The following KALRN variants were observed in gnomAD, a reference collection of about 807,000 sequenced individuals.
KALRN encodes kalirin.
In KALRN, 70 loss-of-function variants were observed where a neutral mutation model predicts 353.7. That is an observed-to-expected ratio of 0.20 (90% confidence interval 0.16 to 0.24). The LOEUF (loss-of-function observed/expected upper bound fraction) is 0.24, where lower values mean the gene tolerates loss of function less well. Among genes scored for constraint, KALRN ranks in the 10% least tolerant of loss-of-function variants. The probability of loss-of-function intolerance (pLI) is 1.00; values close to 1 mark genes in which losing one functional copy is unlikely to be tolerated. For synonymous variants in KALRN, 1,391 were observed against 1,434.8 expected (o/e 0.97, Z 0.69); for missense variants, 2,791 against 3,756.7 (o/e 0.74, Z 6.72).
intron 13 of KALRN, among the ~76,000 whole-genome samples, chr3:124,403,553 G>A (rs1191921658): frequency 1.3e-5 from 2 of 152,150 alleles, no homozygotes; most frequent in African/African-American, 4.8e-5. Flanking sequence ...CTAAATCTAT[G>A]GGGTTCATGT....
rs371632125 is a variant in KALRN, at chr3:124,286,140, C to T, written c.970-12651C>T. Among the ~76,000 whole-genome samples, 12 of 26,840 alleles carry T rather than the reference C, an allele frequency of 4.5e-4. No homozygotes were observed. The East Asian group carries it at 5.5e-3, about 12-fold the overall frequency. 17.6% of individuals were successfully genotyped at this position (26,840 alleles called of 152,430 possible). On this transcript the variant is annotated intron_variant, in intron 5 of 59. Coordinates refer to ENST00000682506, the MANE Select transcript of KALRN (RefSeq NM_001388419.1). ...CTTTCTTTCTTTCTTTCTTTCTTTC[C>T]TTTCTTTCTTTCCTTTCTTTCGTCT...
Position 124,629,326 on chromosome 3 carries a change from G to A in KALRN, c.5183-3094G>A, listed in dbSNP as rs376000452. On this transcript the variant is annotated intron_variant, in intron 34 of 59. Transcript: ENST00000682506. ...TTTTCTGGGCTCTAATTCCTCCTTC[G>A]CAGGGCTGTGCTGTATATAGTTGCC... 7.9e-5 allele frequency among the ~76,000 whole-genome samples: 12 copies of A among 152,076 alleles called. No homozygotes were observed. In the East Asian group the frequency reaches 1.2e-3, roughly 15 times the overall value.
chr3:124,632,503 A>T lies in KALRN; in HGVS notation c.5266A>T (p.Ile1756Phe). Residue 1756 changes from isoleucine to phenylalanine, a missense_variant, in exon 35 of 60, where the codon ATC (isoleucine) becomes TTC (phenylalanine). Ile to Phe is a conservative substitution (Grantham distance 21). Coordinates refer to ENST00000682506, the MANE Select transcript of KALRN (RefSeq NM_001388419.1). ...NLQAQPSLNS[I>F]HSSPGPKRST... ...GCAGGCCCAGCCCTCCCTGAACTCC[A>T]TCCACAGTTCCCCGGGTCCCAAGCG... 1.2e-6 allele frequency: 2 copies of T among 1,614,162 alleles called. No homozygotes were observed. The highest frequency in any genetic ancestry group is 1.7e-6 in the Non-Finnish European group (2 of 1,180,030).
intron 1 of KALRN, among the ~76,000 whole-genome samples, chr3:124,209,112 T>C (rs1373405436): frequency 3.9e-5 from 6 of 152,214 alleles, no homozygotes; most frequent in Admixed American, 1.3e-4. Context: ...ATGTACATTG[T>C]CTCTCTATGA....
chr3:124,365,504 T>C (rs887057802), intron 10 of KALRN, among the ~76,000 whole-genome samples: 14 of 152,170 alleles, frequency 9.2e-5, no homozygotes, highest in Non-Finnish European at 5.9e-5. Context: ...ATGATGATTT[T>C]AACAGTGTAC....
chr3:124,596,486 AAACC>A (rs2076279819), intron 34 of KALRN, among the ~76,000 whole-genome samples: 1 of 152,150 alleles, frequency 6.6e-6, no homozygotes, highest in Non-Finnish European at 1.5e-5. Context: ...ACAAACAAAA[AAACC>A]CCACAATAGC....
intron 49 of KALRN, among the ~76,000 whole-genome samples, chr3:124,676,383 G>A (rs1032269981): frequency 6.6e-6 from 1 of 152,110 alleles, no homozygotes; most frequent in Non-Finnish European, 1.5e-5. Flanking sequence ...CCCAAGGCCT[G>A]CCATAACCAC....
rs577297597 is a variant in KALRN, at chr3:124,045,580, C to G, written c.73+11767C>G. On this transcript the variant is annotated intron_variant, in intron 1 of 59. Transcript: ENST00000682506. ...CTTTTGATGGGAATTGGAGAAAGAA[C>G]TAATCAATTTTAGCATAGTACTGAT... Among the ~76,000 whole-genome samples, 28 of 152,300 alleles carry G rather than the reference C, an allele frequency of 1.8e-4. No individual in the cohort carries two copies. The Middle Eastern group carries it at 0.014, about 74-fold the overall frequency.
intron 1 of KALRN, among the ~76,000 whole-genome samples, chr3:124,226,861 G>A (rs565688938): frequency 6.6e-6 from 1 of 152,244 alleles, no homozygotes; most frequent in East Asian, 1.9e-4. Flanking sequence ...GGCACCAGAG[G>A]GGGTATCCAT....
chr3:124,478,590 G>A (rs2061651243), intron 27 of KALRN, among the ~76,000 whole-genome samples: 1 of 152,172 alleles, frequency 6.6e-6, no homozygotes, highest in Non-Finnish European at 1.5e-5. Flanking sequence ...CCTGGGGTTA[G>A]ATTTGGAACC....
intron 27 of KALRN, among the ~76,000 whole-genome samples, chr3:124,478,706 A>G (rs900553355): frequency 4.6e-5 from 7 of 152,160 alleles, no homozygotes; most frequent in African/African-American, 9.7e-5. Context: ...TTCCCTTAGG[A>G]TGCTTCTGTT....
rs16835892 is a variant in KALRN, at chr3:124,713,627, G to C, written c.8276+492G>C. Among the ~76,000 whole-genome samples, 631 of 152,272 alleles carry C rather than the reference G, an allele frequency of 4.1e-3. 10 individuals carry two copies. Among genetic ancestry groups the C allele is most frequent in the Admixed American group, 0.026 (394 of 15,300 alleles). On this transcript the variant is annotated intron_variant, in intron 58 of 59. Coordinates refer to ENST00000682506, the MANE Select transcript of KALRN (RefSeq NM_001388419.1). ...TCATTCCAGATTTTCTAGGGACTTAGGCAACCATATACGTGACCCCTAGAA... is the reference window on the plus strand; with the variant it reads ...TCATTCCAGATTTTCTAGGGACTTACGCAACCATATACGTGACCCCTAGAA...
In KALRN at chr3:124,334,668, C is replaced by T. The variant is rs1417877544; in HGVS notation, c.1647+173C>T. ...ACCAAAACACAGAACAAAAACTGGA[C>T]CTGTGAATTGCATATTTCTTGCCTA... On this transcript the variant is annotated intron_variant, in intron 9 of 59. Coordinates refer to ENST00000682506, the MANE Select transcript of KALRN (RefSeq NM_001388419.1). The surrounding 1 kb of genome is among the most constrained non-coding windows in gnomAD (Gnocchi z 4.2). 6.6e-6 allele frequency among the ~76,000 whole-genome samples: 1 copy of T among 152,202 alleles called. No homozygotes were observed. The highest frequency in any genetic ancestry group is 1.5e-5 in the Non-Finnish European group (1 of 68,046).
Position 124,671,811 on chromosome 3 carries a change from A to C in KALRN, c.6855A>C (p.Pro2285=), listed in dbSNP as rs769488382. ...EKPPKGSSYN[P]PLPPLKISTS... ...CCCCAAAGGGCTCCAGCTATAACCCACCTCTGCCTCCCCTGAAGATATCTA... is the reference window on the plus strand; with the variant it reads ...CCCCAAAGGGCTCCAGCTATAACCCCCCTCTGCCTCCCCTGAAGATATCTA... Residue 2285 remains proline (P), a synonymous_variant, in exon 48 of 60, where the codon CCA becomes CCC. Coordinates refer to ENST00000682506, the MANE Select transcript of KALRN (RefSeq NM_001388419.1). 2 of 1,613,574 alleles carry C rather than the reference A, an allele frequency of 1.2e-6. No homozygotes were observed. The highest frequency in any genetic ancestry group is 3.3e-5 in the Admixed American group (2 of 59,936).
chr3:124,366,653 CT>C (rs2084739772), intron 10 of KALRN, among the ~76,000 whole-genome samples: 1 of 152,024 alleles, frequency 6.6e-6, no homozygotes, highest in Non-Finnish European at 1.5e-5. Context: ...TTTTCCCCAC[CT>C]TTCCCCCCTT....
chr3:124,451,132 T>C (rs1313015282), intron 21 of KALRN, among the ~76,000 whole-genome samples: 1 of 152,132 alleles, frequency 6.6e-6, no homozygotes, highest in African/African-American at 2.4e-5. Flanking sequence ...ATAAGATTAC[T>C]ATCAAGAAGA....
chr3:124,368,836 G>A (rs2085398405), intron 10 of KALRN, among the ~76,000 whole-genome samples: 1 of 152,192 alleles, frequency 6.6e-6, no homozygotes, highest in Non-Finnish European at 1.5e-5. Context: ...GAGGCTGGCG[G>A]ATCACTCGCG....
At chr3:124,714,336 G>A (rs1429350217) in intron 58 of KALRN, among the ~76,000 whole-genome samples, 2 of 152,168 alleles carry the variant, frequency 1.3e-5, no homozygotes, top group Non-Finnish European at 2.9e-5. Flanking sequence ...CTGTGTACCA[G>A]GTTGAGTTCA....
At chr3:124,193,880 A>AT (rs1273618905) in intron 1 of KALRN, among the ~76,000 whole-genome samples, 5 of 152,006 alleles carry the variant, frequency 3.3e-5, no homozygotes, top group Non-Finnish European at 5.9e-5. Flanking sequence ...GCATTTCCCT[A>AT]TTTTTTTAAG....
Sources: gnomAD v4.1 joint callset for allele counts (sites outside exome capture counted in the v4.1 genomes callset) on GRCh38, gnomAD v4.1.1 for gene constraint, Gnocchi (gnomAD v3.1) non-coding constraint, MANE v1.5 for transcripts, NCBI Gene and HGNC (gene_info 2026-07-23, HGNC 2026-07-21) for gene names.